Variants in LRRC4C observed in about 807,000 individuals in gnomAD.
LRRC4C encodes leucine-rich repeat-containing protein 4C.
LRRC4C carries 5 observed loss-of-function variants against 33.6 expected under a neutral mutation model. That is an observed-to-expected ratio of 0.15 (90% confidence interval 0.08 to 0.31). LRRC4C has a LOEUF of 0.31. LRRC4C is among the 10% of genes least tolerant of loss of function. LRRC4C has a pLI of 1.00. For missense variants in LRRC4C, 560 were observed against 796.7 expected (o/e 0.70, Z 3.58); for synonymous variants, 329 against 302.0 (o/e 1.09, Z -0.93).
chr11:40,588,870 AT>A (rs1264617536), intron 3 of LRRC4C, among the ~76,000 whole-genome samples: 5 of 151,986 alleles, frequency 3.3e-5, no homozygotes, highest in African/African-American at 1.2e-4. Flanking sequence ...GTTCTTTTAC[AT>A]TTGCTGAGGA....
chr11:41,308,910 T>G (rs1950574865), intron 1 of LRRC4C, among the ~76,000 whole-genome samples: 2 of 152,090 alleles, frequency 1.3e-5, no homozygotes, highest in Non-Finnish European at 2.9e-5. Flanking sequence ...TATCAAGTGA[T>G]TCTCCCGCCT....
chr11:40,949,421 C>T (rs908799285), intron 1 of LRRC4C, among the ~76,000 whole-genome samples: 10 of 151,994 alleles, frequency 6.6e-5, no homozygotes, highest in African/African-American at 2.4e-4. Context: ...TTGTCAGATT[C>T]ACCAAAGTTG....
intron 1 of LRRC4C, among the ~76,000 whole-genome samples, chr11:41,276,953 A>T (rs1949503794): frequency 6.6e-6 from 1 of 152,198 alleles, no homozygotes; most frequent in Non-Finnish European, 1.5e-5. Context: ...GAGATTTCTG[A>T]ATTCTATAAA....
chr11:41,038,600 A>G (rs562589087), intron 1 of LRRC4C, among the ~76,000 whole-genome samples: 2 of 152,322 alleles, frequency 1.3e-5, no homozygotes, highest in South Asian at 4.1e-4. Context: ...CAGAGAATCA[A>G]AAATAGAATA....
At chr11:40,396,750 G>A (rs989157629) in intron 3 of LRRC4C, among the ~76,000 whole-genome samples, 2 of 151,996 alleles carry the variant, frequency 1.3e-5, no homozygotes, top group Non-Finnish European at 2.9e-5. Context: ...AATTTTGTTA[G>A]CAAGTCTTTC....
At chr11:41,330,440 T>A (rs1951257105) in intron 1 of LRRC4C, among the ~76,000 whole-genome samples, 1 of 152,220 alleles carries the variant, frequency 6.6e-6, no homozygotes, top group African/African-American at 2.4e-5. Flanking sequence ...GTTGAGTGGC[T>A]AGGGTTTAAA....
chr11:40,785,378 A>G (rs1950372196), intron 2 of LRRC4C, among the ~76,000 whole-genome samples: 1 of 152,184 alleles, frequency 6.6e-6, no homozygotes, highest in African/African-American at 2.4e-5. Context: ...TAAATTGCCT[A>G]ACTCTTAATT....
At chr11:40,462,316 G>C (rs1442673225) in intron 3 of LRRC4C, among the ~76,000 whole-genome samples, 1 of 152,002 alleles carries the variant, frequency 6.6e-6, no homozygotes, top group Non-Finnish European at 1.5e-5. Flanking sequence ...TTATTATGTA[G>C]GAACAATTGG....
At chr11:41,087,529 A>G (rs1196990238) in intron 1 of LRRC4C, among the ~76,000 whole-genome samples, 2 of 152,004 alleles carry the variant, frequency 1.3e-5, no homozygotes, top group Non-Finnish European at 2.9e-5. Flanking sequence ...GGATTTTGCG[A>G]TATTACCCAG....
At chr11:40,661,390 T>C (rs1295668339) in intron 2 of LRRC4C, among the ~76,000 whole-genome samples, 1 of 152,218 alleles carries the variant, frequency 6.6e-6, no homozygotes, top group Non-Finnish European at 1.5e-5. Context: ...ATATGACACA[T>C]ACAACAACTG....
intron 1 of LRRC4C, among the ~76,000 whole-genome samples, chr11:41,237,513 A>G (rs1031532181): frequency 1.4e-4 from 22 of 152,192 alleles, no homozygotes; most frequent in Admixed American, 1.2e-3. Flanking sequence ...CTTAATTTAC[A>G]TGTCAGCTGT....
At chr11:40,577,037 G>C (rs1238848923) in intron 3 of LRRC4C, among the ~76,000 whole-genome samples, 1 of 152,156 alleles carries the variant, frequency 6.6e-6, no homozygotes, top group African/African-American at 2.4e-5. Flanking sequence ...ACTCTGTAAT[G>C]TAAACCTGTG....
chr11:40,753,562 A>G (rs1948800900), intron 2 of LRRC4C, among the ~76,000 whole-genome samples: 2 of 138,190 alleles, frequency 1.4e-5, no homozygotes, highest in Non-Finnish European at 1.5e-5. Context: ...TTTTTTTGAG[A>G]CAGAGTCTTG....
rs113524712 is a variant in LRRC4C at position 41,152,496 on chromosome 11, G to A, written c.-495-218773C>T. Among the ~76,000 whole-genome samples the A allele has an allele frequency of 4.5e-3, 688 of 152,156 alleles. 8 individuals are homozygous for A. The highest frequency in any genetic ancestry group is 0.016 in the African/African-American group (668 of 41,510). On this transcript the variant is annotated intron_variant, in intron 1 of 6. Coordinates refer to ENST00000528697, the MANE Select transcript of LRRC4C (RefSeq NM_001258419.2). Reference sequence around the variant, plus strand: ...GATTCAACTATTGAATCAGTGGGAGGCATTAGTAACATCTTCAGCCACTGC... The same window carrying A: ...GATTCAACTATTGAATCAGTGGGAGACATTAGTAACATCTTCAGCCACTGC...
At chr11:41,236,533 C>T (rs1244796711) in intron 1 of LRRC4C, among the ~76,000 whole-genome samples, 6 of 150,720 alleles carry the variant, frequency 4.0e-5, no homozygotes, top group African/African-American at 1.2e-4. Flanking sequence ...AAAAGAAGTC[C>T]AAATCTATAT....
chr11:40,964,762 G>C (rs201387726), intron 1 of LRRC4C, among the ~76,000 whole-genome samples: 1 of 150,154 alleles, frequency 6.7e-6, no homozygotes, highest in Non-Finnish European at 1.5e-5. Flanking sequence ...TCTTAATCCA[G>C]TCTATCATTG....
chr11:41,122,754 C>T (rs1249831656), intron 1 of LRRC4C, among the ~76,000 whole-genome samples: 6 of 151,984 alleles, frequency 3.9e-5, no homozygotes, highest in East Asian at 1.9e-4. Context: ...ATACTCTAGA[C>T]GAACTATAGC....
intron 3 of LRRC4C, among the ~76,000 whole-genome samples, chr11:40,420,482 G>C (rs149121450): frequency 4.2e-4 from 64 of 152,066 alleles, no homozygotes; most frequent in African/African-American, 1.5e-3. Context: ...CATTCTTCCC[G>C]TCTTGCTCTG....
chr11:41,127,885 A>C (rs1942823540), intron 1 of LRRC4C, among the ~76,000 whole-genome samples: 1 of 151,982 alleles, frequency 6.6e-6, no homozygotes, highest in East Asian at 1.9e-4. Flanking sequence ...TCTTTAACCT[A>C]CTGGGATTTG....
Sources: allele counts gnomAD v4.1 joint callset (sites outside exome capture counted in the v4.1 genomes callset), GRCh38; gene constraint gnomAD v4.1.1; transcripts MANE v1.5; gene names NCBI Gene and HGNC (gene_info 2026-07-23, HGNC 2026-07-21).